The following NPFF variants were observed in gnomAD, a reference collection of about 807,000 sequenced individuals.
NPFF encodes the protein pro-FMRFamide-related neuropeptide FF.
In NPFF, 14 loss-of-function variants were observed where a neutral mutation model predicts 12.9. That is an observed-to-expected ratio of 1.09 (90% CI 0.72 to 1.70). The LOEUF (loss-of-function observed/expected upper bound fraction) is 1.70. Ranked by LOEUF, NPFF falls within the 40% of genes most tolerant of loss-of-function variation. The probability of loss-of-function intolerance (pLI) is 0.00; values close to 1 mark genes in which losing one functional copy is unlikely to be tolerated. For missense variants in NPFF, 140 were observed against 135.7 expected, an observed-to-expected ratio of 1.03 and a Z score of -0.16; for synonymous variants, 56 against 57.3, an observed-to-expected ratio of 0.98 and a Z score of 0.10.
rs1224073510 is a variant in NPFF at position 53,506,850 on chromosome 12, T to C, written c.268A>G (p.Ser90Gly). The C allele has an allele frequency of 6.2e-7, 1 of 1,604,726 alleles. No individual in the cohort carries two copies. Among genetic ancestry groups the C allele is most frequent in the Admixed American group, 1.7e-5 (1 of 58,702 alleles). ...TTCAGCCCCTCTCCAGCCCGGGGAC[T>C]CAGCCATTCATTCCTCCAGGATCCC... The part of the protein sequence containing the change: ...TQGSWRNEWL[S>G]PRAGEGLNSQ... Residue 90 changes from serine (S) to glycine (G), a missense_variant, in exon 3 of 3, where the codon AGT (serine) becomes GGT (glycine). By Grantham distance (56) the Ser-to-Gly change is moderately conservative. Transcript: ENST00000267017.
chr12:53,507,073 GGA>G lies in NPFF; in HGVS notation c.170_171del (p.Leu57ProfsTer30). 6.2e-7 allele frequency: 1 copy of G among 1,614,108 alleles called. No homozygotes were observed. Among genetic ancestry groups the G allele is most frequent in the Non-Finnish European group, 8.5e-7 (1 of 1,180,024 alleles). On this transcript the variant is annotated frameshift_variant, in exon 2 of 3. Coordinates refer to ENST00000267017, the MANE Select transcript of NPFF (RefSeq NM_003717.4). LOFTEE classifies it high-confidence loss of function. ...QTSGSLLHYL[L>X]QAMERPGRSQ... is the part of the protein sequence containing the mutation. ...CTCCGGCCAGGTCTCTCCATTGCCT[GGA>G]GCAGGTAGTGCAACAGTGACCCAGA...
chr12:53,507,372 C>T lies in NPFF; in HGVS notation c.102+1G>A. On this transcript the variant is annotated splice_donor_variant, in intron 1 of 2. Transcript: ENST00000267017. LOFTEE classifies it high-confidence loss of function. The stretch of plus-strand genomic sequence containing the variant: ...GATATGGGGATGGGACACACACTCA[C>T]CGCGGAGAGCTGGTCTTCCTGCTGG... 3.7e-6 allele frequency: 6 copies of T among 1,614,070 alleles called. No individual in the cohort carries two copies. Among genetic ancestry groups the T allele is most frequent in the Non-Finnish European group, 5.1e-6 (6 of 1,179,984 alleles).
chr12:53,506,722 C>T lies in NPFF; in HGVS notation c.*54G>A. On this transcript the variant is annotated 3_prime_UTR_variant, in exon 3 of 3. Coordinates refer to ENST00000267017, the MANE Select transcript of NPFF (RefSeq NM_003717.4). Reference sequence around the variant, plus strand: ...CAGACAATTTTATTTGGGGGGCAAACATTGACACTTTTGGGTGTGGACCTT... The same window carrying T: ...CAGACAATTTTATTTGGGGGGCAAATATTGACACTTTTGGGTGTGGACCTT... The T allele has an allele frequency of 7.5e-7, 1 of 1,330,968 alleles. No homozygotes were observed. Among genetic ancestry groups the T allele is most frequent in the Non-Finnish European group, 1.0e-6 (1 of 968,090 alleles). The allele number at this position is 1,330,968 out of a possible 1,614,324, so 82.4% of individuals were successfully genotyped here. A position where few individuals can be genotyped will look rare whatever the true frequency, so the allele number is the denominator to read the frequency against.
Position 53,506,832 on chromosome 12 carries a change from C to T in NPFF, c.286G>A (p.Gly96Arg), listed in dbSNP as rs1234174184. 1.2e-6 allele frequency: 2 copies of T among 1,601,804 alleles called. No homozygotes were observed. The highest frequency in any genetic ancestry group is 1.3e-5 in the African/African-American group (1 of 74,566). ...NEWLSPRAGE[G>R]LNSQFWSLAA... ...AGGCTCCAGAACTGGGAATTCAGCCCCTCTCCAGCCCGGGGACTCAGCCAT... is the reference window on the plus strand; with the variant it reads ...AGGCTCCAGAACTGGGAATTCAGCCTCTCTCCAGCCCGGGGACTCAGCCAT... The change falls in exon 3 of 3, where the codon GGG (glycine) becomes AGG (arginine). Residue 96 changes from glycine (G) to arginine (R), a missense_variant. Physicochemically the swap from Gly to Arg is moderately radical, Grantham distance 125 (BLOSUM62 -2). Coordinates refer to ENST00000267017, the MANE Select transcript of NPFF (RefSeq NM_003717.4).
In NPFF at chr12:53,507,455, G is replaced by T; in HGVS notation, c.20C>A (p.Ala7Asp). ...TAACAGCAGCAGCACCAGCAGTGCA[G>T]CAGCCTGCCTAGAATCCATGCTGCC... MDSRQA[A>D]ALLVLLLLID... Residue 7 changes from alanine (A) to aspartate (D), a missense_variant, in exon 1 of 3, where the codon GCT becomes GAT. Physicochemically the swap from Ala to Asp is moderately radical, Grantham distance 126 (BLOSUM62 -2). Transcript: ENST00000267017. 6.2e-7 allele frequency: 1 copy of T among 1,613,412 alleles called. No homozygotes were observed. The highest frequency in any genetic ancestry group is 8.5e-7 in the Non-Finnish European group (1 of 1,179,966).
Position 53,507,108 on chromosome 12 carries a change from G to A in NPFF, c.137C>T (p.Ala46Val). The A allele has an allele frequency of 6.2e-7, 1 of 1,614,084 alleles. No individual in the cohort carries two copies. Among genetic ancestry groups the A allele is most frequent in the Non-Finnish European group, 8.5e-7 (1 of 1,180,012 alleles). ...EDSEPLPPQDAQTSGSLLHYL... is the reference protein window; with the variant it reads ...EDSEPLPPQDVQTSGSLLHYL... Reference sequence around the variant, plus strand: ...GTGCAACAGTGACCCAGAGGTCTGGGCATCCTGTGGTGGGAGGGGTTCGCT... The same window carrying A: ...GTGCAACAGTGACCCAGAGGTCTGGACATCCTGTGGTGGGAGGGGTTCGCT... Residue 46 changes from alanine to valine, a missense_variant, in exon 2 of 3, where the codon GCC becomes GTC. Ala to Val is a moderately conservative substitution (Grantham distance 64, BLOSUM62 0). Coordinates refer to ENST00000267017, the MANE Select transcript of NPFF (RefSeq NM_003717.4).
Position 53,507,478 on chromosome 12 carries a change from G to T in NPFF, c.-4C>A. Reference sequence around the variant, plus strand: ...CAGCAGCCTGCCTAGAATCCATGCTGCCACCTACCCTCCTACAGCCACCCC... The same window carrying T: ...CAGCAGCCTGCCTAGAATCCATGCTTCCACCTACCCTCCTACAGCCACCCC... On this transcript the variant is annotated 5_prime_UTR_variant, in exon 1 of 3. Coordinates refer to ENST00000267017, the MANE Select transcript of NPFF (RefSeq NM_003717.4). 1 of 1,612,040 alleles carries T rather than the reference G, an allele frequency of 6.2e-7. No homozygotes were observed.
chr12:53,507,032 A>T lies in NPFF; in HGVS notation c.213T>A (p.Phe71Leu). The T allele has an allele frequency of 6.2e-7, 1 of 1,613,768 alleles. No individual in the cohort carries two copies. The highest frequency in any genetic ancestry group is 1.1e-5 in the South Asian group (1 of 91,044). Residue 71 changes from phenylalanine to leucine, a missense_variant, in exon 2 of 3, where the codon TTT becomes TTA. Coordinates refer to ENST00000267017, the MANE Select transcript of NPFF (RefSeq NM_003717.4). ...CCTTTCAGACTCACCTCTGGGGCTGAAACAGGAAGGCTTGGCTCCGGCCAG... is the reference window on the plus strand; with the variant it reads ...CCTTTCAGACTCACCTCTGGGGCTGTAACAGGAAGGCTTGGCTCCGGCCAG... ...ERPGRSQAFL[F>L]QPQRFGRNTQ...
rs751284250 is a variant in NPFF, at chr12:53,506,806, C to G, written c.312G>C (p.Leu104=). The part of the protein sequence containing the change: ...GEGLNSQFWS[L]AAPQRFGKK ...TCTTCCCAAAGCGTTGAGGGGCAGCCAGGCTCCAGAACTGGGAATTCAGCC... is the reference window on the plus strand; with the variant it reads ...TCTTCCCAAAGCGTTGAGGGGCAGCGAGGCTCCAGAACTGGGAATTCAGCC... Residue 104 remains leucine, a synonymous_variant, in exon 3 of 3, where the codon CTG becomes CTC. Coordinates refer to ENST00000267017, the MANE Select transcript of NPFF (RefSeq NM_003717.4). The G allele has an allele frequency of 6.3e-7, 1 of 1,587,994 alleles. No individual in the cohort carries two copies. The highest frequency in any genetic ancestry group is 2.2e-5 in the East Asian group (1 of 44,638).
chr12:53,507,238 G>A lies in NPFF; in HGVS notation c.103-96C>T, dbSNP rs1370072446. 3.2e-6 allele frequency: 5 copies of A among 1,583,248 alleles called. No individual in the cohort carries two copies. In the African/African-American group the frequency reaches 6.7e-5, roughly 21 times the overall value. On this transcript the variant is annotated intron_variant, in intron 1 of 2. Transcript: ENST00000267017. ...ACTGGCTTCCAGGGGCAAGTGGTAG[G>A]AGGCTGCGGAACCATTTCCTCAGAT...
Position 53,507,151 on chromosome 12 carries a change from A to G in NPFF, c.103-9T>C, listed in dbSNP as rs1555214706. On this transcript the variant is annotated splice_polypyrimidine_tract_variant and intron_variant, in intron 1 of 2. Coordinates refer to ENST00000267017, the MANE Select transcript of NPFF (RefSeq NM_003717.4). ...GGTTCGCTGTCTTCCTCCTGTGCCAAGGGGGTATCAGGGAAGGAAGATGGG... is the reference window on the plus strand; with the variant it reads ...GGTTCGCTGTCTTCCTCCTGTGCCAGGGGGGTATCAGGGAAGGAAGATGGG... 9.9e-6 allele frequency: 16 copies of G among 1,612,858 alleles called. No homozygotes were observed. The highest frequency in any genetic ancestry group is 1.7e-4 in the Middle Eastern group (1 of 6,056).
chr12:53,507,400 T>C lies in NPFF; in HGVS notation c.75A>G (p.Gly25=). The C allele has an allele frequency of 6.2e-7, 1 of 1,614,056 alleles. No homozygotes were observed. Among genetic ancestry groups the C allele is most frequent in the Non-Finnish European group, 8.5e-7 (1 of 1,179,998 alleles). The part of the protein sequence containing the change: ...LIDGGCAEGP[G]GQQEDQLSAE... Reference sequence around the variant, plus strand: ...CGGAGAGCTGGTCTTCCTGCTGGCCTCCTGGCCCTTCAGCACAGCCCCCGT... The same window carrying C: ...CGGAGAGCTGGTCTTCCTGCTGGCCCCCTGGCCCTTCAGCACAGCCCCCGT... Residue 25 remains glycine (G), a synonymous_variant, in exon 1 of 3, where the codon GGA becomes GGG. Transcript: ENST00000267017.
Position 53,506,847 on chromosome 12 carries a change from G to GACTC in NPFF, c.267_270dup (p.Pro91GlufsTer?), listed in dbSNP as rs778288002. On this transcript the variant is annotated frameshift_variant, in exon 3 of 3. Coordinates refer to ENST00000267017, the MANE Select transcript of NPFF (RefSeq NM_003717.4). LOFTEE classifies it high-confidence loss of function. The stretch of plus-strand genomic sequence containing the variant: ...GAATTCAGCCCCTCTCCAGCCCGGG[G>GACTC]ACTCAGCCATTCATTCCTCCAGGAT... 3 of 1,604,854 alleles carry GACTC rather than the reference G, an allele frequency of 1.9e-6. No homozygotes were observed. The South Asian group carries it at 3.3e-5, about 18-fold the overall frequency.
chr12:53,507,362 C>A lies in NPFF; in HGVS notation c.102+11G>T. 1 of 1,614,040 alleles carries A rather than the reference C, an allele frequency of 6.2e-7. No homozygotes were observed. The highest frequency in any genetic ancestry group is 8.5e-7 in the Non-Finnish European group (1 of 1,179,972). ...AGGCAATGGTGATATGGGGATGGGA[C>A]ACACACTCACCGCGGAGAGCTGGTC... is the stretch of plus-strand genomic sequence containing the variant. On this transcript the variant is annotated intron_variant, in intron 1 of 2. Transcript: ENST00000267017.
Position 53,507,438 on chromosome 12 carries a change from G to GCAGCAC in NPFF, c.31_36dup (p.Val11_Leu12dup), listed in dbSNP as rs754341577. The GCAGCAC allele has an allele frequency of 6.2e-7, 1 of 1,613,786 alleles. No individual in the cohort carries two copies. The highest frequency in any genetic ancestry group is 1.3e-5 in the African/African-American group (1 of 74,996). On this transcript the variant is annotated inframe_insertion, in exon 1 of 3. Transcript: ENST00000267017. ...GCACAGCCCCCGTCTATTAACAGCA[G>GCAGCAC]CAGCACCAGCAGTGCAGCAGCCTGC... is the stretch of plus-strand genomic sequence containing the variant.
intron 2 of NPFF, 41 bp from the exon 3 acceptor site, chr12:53,506,934 C>T (rs753257226): frequency 6.3e-7 from 1 of 1,581,930 alleles, no homozygotes; most frequent in Non-Finnish European, 8.6e-7. Flanking sequence ...AGTCTCCCTT[C>T]TCTAGCCCCC....
At position 53,507,355 on chromosome 12, in the gene NPFF, G is replaced by A. The variant is rs769449928; in HGVS notation, c.102+18C>T. On this transcript the variant is annotated intron_variant, in intron 1 of 2. Transcript: ENST00000267017. ...GAAGTAGAGGCAATGGTGATATGGG[G>A]ATGGGACACACACTCACCGCGGAGA... 3.7e-6 allele frequency: 6 copies of A among 1,614,032 alleles called. No individual in the cohort carries two copies. In the South Asian group the frequency reaches 5.5e-5, roughly 15 times the overall value.
chr12:53,506,726 G>A lies in NPFF; in HGVS notation c.*50C>T. The A allele has an allele frequency of 7.4e-7, 1 of 1,346,762 alleles. No homozygotes were observed. Among genetic ancestry groups the A allele is most frequent in the Non-Finnish European group, 1.0e-6 (1 of 982,094 alleles). The allele number at this position is 1,346,762 out of a possible 1,614,324, so 83.4% of individuals were successfully genotyped here. The stretch of plus-strand genomic sequence containing the variant: ...CAATTTTATTTGGGGGGCAAACATT[G>A]ACACTTTTGGGTGTGGACCTTGCAT... On this transcript the variant is annotated 3_prime_UTR_variant, in exon 3 of 3. Transcript: ENST00000267017.
Position 53,507,002 on chromosome 12 carries a change from G to T in NPFF, c.224+19C>A. The T allele has an allele frequency of 1.9e-6, 3 of 1,609,712 alleles. No individual in the cohort carries two copies. Among genetic ancestry groups the T allele is most frequent in the East Asian group, 2.2e-5 (1 of 44,650 alleles). On this transcript the variant is annotated intron_variant, in intron 2 of 2. Coordinates refer to ENST00000267017, the MANE Select transcript of NPFF (RefSeq NM_003717.4). The stretch of plus-strand genomic sequence containing the variant: ...TCCACCCCCAGCCCCTGCCATGCTT[G>T]TGTCCCTTTCAGACTCACCTCTGGG...
Sources: allele counts gnomAD v4.1 joint callset, GRCh38; gene constraint gnomAD v4.1.1; transcripts MANE v1.5; gene names NCBI Gene and HGNC (gene_info 2026-07-23, HGNC 2026-07-21).